FGF12: variants seen among roughly 807,000 people sequenced by gnomAD.
The protein encoded by FGF12 is fibroblast growth factor 12B.
A neutral mutation model predicts 23.6 loss-of-function variants in FGF12; 14 were observed. That is an observed-to-expected ratio of 0.59 (90% CI 0.39 to 0.93). The LOEUF (loss-of-function observed/expected upper bound fraction) is 0.93. FGF12 is among the 40% of genes least tolerant of loss of function. The probability of loss-of-function intolerance (pLI) is 0.00; values close to 1 mark genes in which losing one functional copy is unlikely to be tolerated. For missense variants in FGF12, 175 were observed against 217.8 expected, an observed-to-expected ratio of 0.80 and a Z score of 1.24; for synonymous variants, 62 against 77.3, an observed-to-expected ratio of 0.80 and a Z score of 1.04.
At chr3:192,670,296 T>C (rs778971319) in intron 2 of FGF12, among the ~76,000 whole-genome samples, 34 of 152,142 alleles carry the variant, frequency 2.2e-4, no homozygotes, top group Non-Finnish European at 4.4e-4. Context: ...TATAGTAGCA[T>C]GTAATAATTT....
chr3:192,683,894 G>A lies in FGF12; in HGVS notation c.13+43287C>T, dbSNP rs142912571. On this transcript the variant is annotated intron_variant, in intron 2 of 5. Transcript: ENST00000445105. ...CTGCAACTCAACCTCCATTCCCTGC[G>A]CAATAGGAAGCATCAATTAACTGAT... is the stretch of plus-strand genomic sequence containing the variant. 7.3e-4 allele frequency among the ~76,000 whole-genome samples: 111 copies of A among 152,218 alleles called. 1 individual carries two copies. Among genetic ancestry groups the A allele is most frequent in the African/African-American group, 2.0e-3 (83 of 41,538 alleles).
At position 192,296,231 on chromosome 3, in the gene FGF12, T is replaced by A. The variant is rs189141522; in HGVS notation, c.228+39130A>T. On this transcript the variant is annotated intron_variant, in intron 4 of 5. Transcript: ENST00000445105. ...TACAATGTTTTCATTTTATTTTATT[T>A]TTTTTTTTTTGAGACAGGGTCTCAC... Among the ~76,000 whole-genome samples the A allele has an allele frequency of 7.0e-3, 1,050 of 150,758 alleles. 13 individuals carry two copies. The highest frequency in any genetic ancestry group is 0.024 in the African/African-American group (978 of 41,190).
intron 2 of FGF12, among the ~76,000 whole-genome samples, chr3:192,570,236 G>T (rs556665212): frequency 1.3e-5 from 2 of 152,288 alleles, no homozygotes; most frequent in South Asian, 2.1e-4. Context: ...CCATGGGGGG[G>T]AGGGCCATAG....
chr3:192,477,300 C>T (rs1247244810), intron 2 of FGF12, among the ~76,000 whole-genome samples: 1 of 152,172 alleles, frequency 6.6e-6, no homozygotes, highest in Non-Finnish European at 1.5e-5. Flanking sequence ...CAGCAGAGTA[C>T]ACTCATGCCC....
intron 2 of FGF12, among the ~76,000 whole-genome samples, chr3:192,442,296 G>C (rs1722222934): frequency 6.6e-6 from 1 of 152,208 alleles, no homozygotes; most frequent in Non-Finnish European, 1.5e-5. Context: ...TGACTATATA[G>C]TGAAAAACAA....
At chr3:192,618,737 C>T (rs1714858435) in intron 2 of FGF12, among the ~76,000 whole-genome samples, 1 of 151,746 alleles carries the variant, frequency 6.6e-6, no homozygotes, top group Non-Finnish European at 1.5e-5. Context: ...TGGCTTCTGC[C>T]TTCATAGATC....
intron 2 of FGF12, among the ~76,000 whole-genome samples, chr3:192,582,708 T>C (rs940367750): frequency 2.6e-5 from 4 of 151,886 alleles, no homozygotes; most frequent in Admixed American, 2.6e-4. Context: ...AAAATCCTTA[T>C]CTTACTGTCA....
At chr3:192,686,923 G>T (rs1269103751) in intron 2 of FGF12, among the ~76,000 whole-genome samples, 1 of 144,258 alleles carries the variant, frequency 6.9e-6, no homozygotes, top group East Asian at 2.1e-4. Context: ...CCGGCTTCTG[G>T]GTTCATGCCA....
At chr3:192,244,131 T>C (rs895857227) in intron 4 of FGF12, among the ~76,000 whole-genome samples, 2 of 152,142 alleles carry the variant, frequency 1.3e-5, no homozygotes, top group Admixed American at 1.3e-4. Context: ...TGAGTGTAAA[T>C]ACTATATCTA....
intron 4 of FGF12, among the ~76,000 whole-genome samples, chr3:192,180,666 AT>A (rs374531949): frequency 5.3e-4 from 81 of 152,316 alleles, no homozygotes; most frequent in African/African-American, 1.8e-3. Context: ...TAAAAAATAT[AT>A]TTTTTACATG....
chr3:192,215,791 A>C (rs1484222201), intron 4 of FGF12, among the ~76,000 whole-genome samples: 1 of 152,148 alleles, frequency 6.6e-6, no homozygotes, highest in African/African-American at 2.4e-5. Flanking sequence ...AAACAAAGCC[A>C]TTTCTTTGAT....
At chr3:192,615,217 T>G (rs1160836201) in intron 2 of FGF12, among the ~76,000 whole-genome samples, 1 of 151,966 alleles carries the variant, frequency 6.6e-6, no homozygotes, top group Non-Finnish European at 1.5e-5. Flanking sequence ...TTTAAAGAGA[T>G]TATACAATCT....
intron 4 of FGF12, among the ~76,000 whole-genome samples, chr3:192,191,736 T>G (rs1716802101): frequency 6.6e-6 from 1 of 151,438 alleles, no homozygotes; most frequent in Non-Finnish European, 1.5e-5. Context: ...CTCAGGAGGC[T>G]GAGGCAGGAG....
At chr3:192,196,359 C>T (rs1332000197) in intron 4 of FGF12, among the ~76,000 whole-genome samples, 2 of 152,130 alleles carry the variant, frequency 1.3e-5, no homozygotes, top group Non-Finnish European at 2.9e-5. Context: ...GTAAATAGCA[C>T]ATTTTTTAAT....
intron 2 of FGF12, among the ~76,000 whole-genome samples, chr3:192,715,138 T>C (rs1038167671): frequency 5.3e-5 from 8 of 152,242 alleles, no homozygotes; most frequent in Admixed American, 1.3e-4. Context: ...AATTGTATTC[T>C]AGAAGACCTA....
chr3:192,408,068 C>T lies in FGF12; in HGVS notation c.14-47530G>A, dbSNP rs761416808. 1 of 1,612,998 alleles carries T rather than the reference C, an allele frequency of 6.2e-7. No homozygotes were observed. Among genetic ancestry groups the T allele is most frequent in the East Asian group, 2.2e-5 (1 of 44,872 alleles). ...GCCTCTTGCGGCCGCTGCAGAAGCG[C>T]ACTTTGCTGAACACCCCGAGGACGT... On this transcript the variant is annotated intron_variant, in intron 2 of 5. Transcript: ENST00000445105. This position sits in a 1 kb window ranked among gnomAD's most constrained non-coding sequence, Gnocchi z 7.3.
chr3:192,639,188 G>A (rs1349895866), intron 2 of FGF12, among the ~76,000 whole-genome samples: 1 of 152,124 alleles, frequency 6.6e-6, no homozygotes, highest in Non-Finnish European at 1.5e-5. Context: ...TGACCAATAG[G>A]TATATAAAAA....
chr3:192,269,766 C>G (rs938569803), intron 4 of FGF12, among the ~76,000 whole-genome samples: 1 of 152,056 alleles, frequency 6.6e-6, no homozygotes, highest in Non-Finnish European at 1.5e-5. Context: ...ATTTCTATAC[C>G]ATTGGGTATT....
chr3:192,286,882 A>G (rs1714476389), intron 4 of FGF12, among the ~76,000 whole-genome samples: 1 of 152,042 alleles, frequency 6.6e-6, no homozygotes, highest in Non-Finnish European at 1.5e-5. Context: ...GCACACTTAC[A>G]ATGTACAGAA....
Sources: gnomAD v4.1 joint callset for allele counts (sites outside exome capture counted in the v4.1 genomes callset) on GRCh38, gnomAD v4.1.1 for gene constraint, Gnocchi (gnomAD v3.1) non-coding constraint, MANE v1.5 for transcripts, NCBI Gene and HGNC (gene_info 2026-07-23, HGNC 2026-07-21) for gene names.